The following DLG2 variants were observed in gnomAD, a reference collection of about 807,000 sequenced individuals.
DLG2 encodes the protein disks large homolog 2.
A neutral mutation model predicts 132.5 loss-of-function variants in DLG2; 45 were observed. The ratio of observed to expected loss-of-function variants is 0.34; its 90% CI spans 0.27 to 0.44. The LOEUF (loss-of-function observed/expected upper bound fraction) is 0.44. Ranked by LOEUF, DLG2 falls within the 20% of genes least tolerant of loss-of-function variation. DLG2 has a pLI of 1.00. For synonymous variants in DLG2, 424 were observed against 419.6 expected, an observed-to-expected ratio of 1.01 and a Z score of -0.13; for missense variants, 1,045 against 1,196.9, an observed-to-expected ratio of 0.87 and a Z score of 1.87.
At chr11:85,428,702 A>G (rs1382125690) in intron 3 of DLG2, among the ~76,000 whole-genome samples, 1 of 152,238 alleles carries the variant, frequency 6.6e-6, no homozygotes, top group Non-Finnish European at 1.5e-5. Context: ...ACACCCTAAC[A>G]TCATAATTAA....
At chr11:85,060,582 A>G (rs574515875) in intron 6 of DLG2, among the ~76,000 whole-genome samples, 2 of 151,492 alleles carry the variant, frequency 1.3e-5, no homozygotes, top group Non-Finnish European at 1.5e-5. Flanking sequence ...AACACCCCCA[A>G]TGGACATTTA....
intron 6 of DLG2, among the ~76,000 whole-genome samples, chr11:84,734,347 C>T (rs1718124228): frequency 6.6e-6 from 1 of 152,072 alleles, no homozygotes; most frequent in African/African-American, 2.4e-5. Context: ...TTGAAGAGTT[C>T]CTTCACATCC....
intron 6 of DLG2, among the ~76,000 whole-genome samples, chr11:84,861,673 C>T (rs2083717464): frequency 7.7e-6 from 1 of 129,684 alleles, no homozygotes; most frequent in Admixed American, 8.4e-5. Flanking sequence ...GAACAGGCAA[C>T]CTACAGAATG....
At chr11:85,425,074 C>A (rs2090609426) in intron 3 of DLG2, among the ~76,000 whole-genome samples, 1 of 152,028 alleles carries the variant, frequency 6.6e-6, no homozygotes. Context: ...CATGCCTTAC[C>A]CCATAAACCA....
At chr11:84,882,011 T>C (rs79576707) in intron 6 of DLG2, among the ~76,000 whole-genome samples, 12,230 of 152,168 alleles carry the variant, frequency 0.08, 1,053 homozygotes, top group African/African-American at 0.22. Context: ...GATTTGTGGC[T>C]ATTGTTCTCA....
intron 17 of DLG2, chr11:83,791,291 G>A (rs1348223994): frequency 4.4e-6 from 3 of 678,208 alleles, no homozygotes; most frequent in Non-Finnish European, 7.8e-6. Flanking sequence ...CTCCCAGAGG[G>A]TTTGCCCGCC....
At chr11:83,704,308 A>G (rs1321930211) in intron 18 of DLG2, among the ~76,000 whole-genome samples, 4 of 152,192 alleles carry the variant, frequency 2.6e-5, no homozygotes, top group African/African-American at 9.7e-5. Context: ...TTAGTTGTAC[A>G]TATAATATAA....
intron 3 of DLG2, among the ~76,000 whole-genome samples, chr11:85,462,876 G>A (rs937346757): frequency 6.6e-6 from 1 of 152,110 alleles, no homozygotes; most frequent in Non-Finnish European, 1.5e-5. Context: ...AGTCATTAAG[G>A]TTAAATGAGG....
In DLG2 at chr11:83,906,240, C is replaced by A. The variant is rs1238227727; in HGVS notation, c.1496+24088G>T. ...AGATTGCTATAGTAGATGTCTCTCT[C>A]TCTCTCTCTCTCTCTCTCACACACA... On this transcript the variant is annotated intron_variant, in intron 15 of 27. Transcript: ENST00000376104. 3.3e-5 allele frequency among the ~76,000 whole-genome samples: 3 copies of A among 89,882 alleles called. No individual in the cohort carries two copies. The East Asian group carries it at 7.7e-4, about 23-fold the overall frequency. 59.0% of individuals were successfully genotyped at this position (89,882 alleles called of 152,430 possible).
chr11:85,140,871 A>G (rs1039101670), intron 5 of DLG2, among the ~76,000 whole-genome samples: 1 of 151,944 alleles, frequency 6.6e-6, no homozygotes, highest in Non-Finnish European at 1.5e-5. Flanking sequence ...ACTTAACATA[A>G]TGACCTCAAG....
intron 3 of DLG2, among the ~76,000 whole-genome samples, chr11:85,422,229 G>C (rs2090372695): frequency 6.6e-6 from 1 of 152,056 alleles, no homozygotes; most frequent in Non-Finnish European, 1.5e-5. Flanking sequence ...TGGATGTCTA[G>C]GTCTCTAGCA....
chr11:84,790,150 T>A (rs2073592023), intron 6 of DLG2, among the ~76,000 whole-genome samples: 1 of 152,184 alleles, frequency 6.6e-6, no homozygotes. Flanking sequence ...TAGTTTTTTT[T>A]AGGAACTCTA....
chr11:84,217,226 G>A (rs2096847701), intron 8 of DLG2, among the ~76,000 whole-genome samples: 1 of 152,164 alleles, frequency 6.6e-6, no homozygotes, highest in African/African-American at 2.4e-5. Flanking sequence ...TATATGGGTT[G>A]GCTGTGTCCC....
rs529145225 is a variant in DLG2, at chr11:84,114,624, C to T, written c.625-15577G>A. Among the ~76,000 whole-genome samples the T allele has an allele frequency of 4.6e-5, 7 of 152,238 alleles. No individual in the cohort carries two copies. In the East Asian group the frequency reaches 9.6e-4, roughly 21 times the overall value. On this transcript the variant is annotated intron_variant, in intron 9 of 27. Transcript: ENST00000376104. ...TTTTTCAATATGATGTGTTTTTCTGCGGCTGCACGGAGATTTTAAAAGCAT... is the reference window on the plus strand; with the variant it reads ...TTTTTCAATATGATGTGTTTTTCTGTGGCTGCACGGAGATTTTAAAAGCAT...
At chr11:84,256,948 C>T (rs2097482018) in intron 7 of DLG2, among the ~76,000 whole-genome samples, 1 of 152,134 alleles carries the variant, frequency 6.6e-6, no homozygotes. Context: ...ACAATTCACA[C>T]AGAAGATTTC....
intron 3 of DLG2, among the ~76,000 whole-genome samples, chr11:85,471,142 C>A (rs1445592958): frequency 1.8e-4 from 27 of 152,112 alleles, no homozygotes. Context: ...CAGTATAGTT[C>A]CTGGTACATG....
chr11:84,235,916 A>G (rs919431296), intron 8 of DLG2, among the ~76,000 whole-genome samples: 2 of 152,212 alleles, frequency 1.3e-5, no homozygotes, highest in African/African-American at 4.8e-5. Flanking sequence ...GATTGAATAA[A>G]TTAACATATG....
chr11:84,863,035 T>C (rs1434118721), intron 6 of DLG2, among the ~76,000 whole-genome samples: 3 of 152,064 alleles, frequency 2.0e-5, no homozygotes, highest in Non-Finnish European at 2.9e-5. Context: ...GCTATCCTTG[T>C]CTTCCCTAAG....
At chr11:85,451,061 A>G (rs184419895) in intron 3 of DLG2, among the ~76,000 whole-genome samples, 188 of 152,244 alleles carry the variant, frequency 1.2e-3, no homozygotes, top group African/African-American at 4.3e-3. Flanking sequence ...CTAAATTCCA[A>G]ATCCACATCT....
Sources: allele counts gnomAD v4.1 joint callset (sites outside exome capture counted in the v4.1 genomes callset), GRCh38; gene constraint gnomAD v4.1.1; transcripts MANE v1.5; gene names NCBI Gene and HGNC (gene_info 2026-07-23, HGNC 2026-07-21).